KDR: variants seen among roughly 807,000 people sequenced by gnomAD.
The protein encoded by KDR is vascular endothelial growth factor receptor 2.
In KDR, 43 loss-of-function variants were observed where a neutral mutation model predicts 160.9. The ratio of observed to expected loss-of-function variants is 0.27; its 90% confidence interval spans 0.21 to 0.34. The LOEUF is 0.34. Ranked by LOEUF, KDR falls within the 10% of genes least tolerant of loss-of-function variation. The pLI is 1.00. For synonymous variants in KDR, 617 were observed against 600.1 expected, an observed-to-expected ratio of 1.03 and a Z score of -0.41; for missense variants, 1,469 against 1,666.4, an observed-to-expected ratio of 0.88 and a Z score of 2.06.
chr4:55,102,874 G>C (rs1720349241), intron 13 of KDR, among the ~76,000 whole-genome samples: 1 of 152,098 alleles, frequency 6.6e-6, no homozygotes, highest in Non-Finnish European at 1.5e-5. Flanking sequence ...ATTTCTCTTG[G>C]AAGTGCCAAA....
chr4:55,102,579 T>G, intron 13 of KDR, 71 bp from the exon 14 acceptor site: 1 of 1,525,208 alleles, frequency 6.6e-7, no homozygotes, highest in Non-Finnish European at 9.1e-7. Flanking sequence ...ATCAGCAAAC[T>G]TTTAAACAGT....
At chr4:55,109,251 T>C (rs1462806871) in intron 9 of KDR, among the ~76,000 whole-genome samples, 1 of 152,032 alleles carries the variant, frequency 6.6e-6, no homozygotes, top group Admixed American at 6.5e-5. Context: ...CCTGGCTAAT[T>C]TTTATATTTT....
At chr4:55,081,087 A>C (rs1374855546) in intron 29 of KDR, among the ~76,000 whole-genome samples, 1 of 152,260 alleles carries the variant, frequency 6.6e-6, no homozygotes, top group African/African-American at 2.4e-5. Flanking sequence ...ACATTTTTTG[A>C]ATCAATGAAT....
Position 55,092,605 on chromosome 4 carries a change from A to T in KDR, c.3069+12T>A, listed in dbSNP as rs375615267. 21 of 1,589,724 alleles carry T rather than the reference A, an allele frequency of 1.3e-5. No individual in the cohort carries two copies. Among genetic ancestry groups the T allele is most frequent in the Non-Finnish European group, 1.8e-5 (21 of 1,157,888 alleles). The stretch of plus-strand genomic sequence containing the variant: ...CTGAAAAGATAGCTGATTTCCCCTC[A>T]ACCTTTCTTACCTTTCGCGATGCCA... On this transcript the variant is annotated intron_variant, in intron 22 of 29. Transcript: ENST00000263923.
Position 55,125,536 on chromosome 4 carries a change from C to T in KDR, c.-243G>A. On this transcript the variant is annotated 5_prime_UTR_variant, in exon 1 of 30. Coordinates refer to ENST00000263923, the MANE Select transcript of KDR (RefSeq NM_002253.4). ...TGCGGCGCGCAAGTGATGCCCGGCG[C>T]AGGCAGAGGAAACGCAGCGACCACA... is the stretch of plus-strand genomic sequence containing the variant. The T allele has an allele frequency of 1.7e-6, 1 of 601,960 alleles. No individual in the cohort carries two copies. The highest frequency in any genetic ancestry group is 3.0e-6 in the Non-Finnish European group (1 of 338,046). The allele number at this position is 601,960 out of a possible 1,614,324, so 37.3% of individuals were successfully genotyped here.
chr4:55,104,130 C>A (rs1720379172), intron 13 of KDR, among the ~76,000 whole-genome samples: 1 of 152,152 alleles, frequency 6.6e-6, no homozygotes, highest in Non-Finnish European at 1.5e-5. Flanking sequence ...CTTCATGCAG[C>A]AGGTGCCTTA....
Position 55,094,947 on chromosome 4 carries a change from C to A in KDR, c.2826G>T (p.Gly942=), listed in dbSNP as rs779634405. 3 of 1,613,842 alleles carry A rather than the reference C, an allele frequency of 1.9e-6. No homozygotes were observed. In the South Asian group the frequency reaches 3.3e-5, roughly 18 times the overall value. Residue 942 remains glycine, a synonymous_variant, in exon 21 of 30, where the codon GGG becomes GGT. Transcript: ENST00000263923. ...RNEFVPYKTK[G]ARFRQGKDYV... ...AGTCTTTCCCTTGACGGAATCGTGC[C>A]CCTTTGGTCTATAAAAAAGCAAAGG...
Position 55,080,053 on chromosome 4 carries a change from G to A in KDR, c.3959C>T (p.Ser1320Phe), listed in dbSNP as rs758090721. 2 of 1,614,034 alleles carry A rather than the reference G, an allele frequency of 1.2e-6. No homozygotes were observed. Among genetic ancestry groups the A allele is most frequent in the Non-Finnish European group, 1.7e-6 (2 of 1,180,032 alleles). ...CTTTAAAAGTTCTGCTTCCTCACTGGAGTACACGGTGGTGTCTGTGTCATC... is the reference window on the plus strand; with the variant it reads ...CTTTAAAAGTTCTGCTTCCTCACTGAAGTACACGGTGGTGTCTGTGTCATC... ...HSDDTDTTVYSSEEAELLKLI... is the reference protein window; with the variant it reads ...HSDDTDTTVYFSEEAELLKLI... The change falls in exon 30 of 30, where the codon TCC becomes TTC. Residue 1320 changes from serine to phenylalanine, a missense_variant. Physicochemically the swap from Ser to Phe is radical, Grantham distance 155. Transcript: ENST00000263923.
rs759990302 is a variant in KDR at position 55,079,980 on chromosome 4, C to A, written c.4032G>T (p.Gln1344His). Residue 1344 changes from glutamine to histidine, a missense_variant, in exon 30 of 30, where the codon CAG (glutamine) becomes CAT (histidine). Physicochemically the swap from Gln to His is conservative, Grantham distance 24. Around this residue, in one of 7 missense-constraint regions of KDR, gnomAD observed 229 missense variants for 197.8 expected, o/e 1.16. Coordinates refer to ENST00000263923, the MANE Select transcript of KDR (RefSeq NM_002253.4). ...VQTGSTAQIL[Q>H]PDSGTTLSSP... is the part of the protein sequence containing the mutation. ...AGCTCAGTGTGGTCCCCGAGTCAGG[C>A]TGGAGAATCTGGGCTGTGCTACCGG... 4 of 1,614,108 alleles carry A rather than the reference C, an allele frequency of 2.5e-6. No individual in the cohort carries two copies.
intron 22 of KDR, among the ~76,000 whole-genome samples, chr4:55,091,648 G>C (rs780828114): frequency 2.0e-5 from 3 of 152,192 alleles, no homozygotes; most frequent in African/African-American, 7.2e-5. Flanking sequence ...TTAATGCTAT[G>C]AGAAGGGGAA....
Position 55,088,855 on chromosome 4 carries a change from G to T in KDR, c.3510+13C>A. On this transcript the variant is annotated intron_variant, in intron 26 of 29. Coordinates refer to ENST00000263923, the MANE Select transcript of KDR (RefSeq NM_002253.4). Reference sequence around the variant, plus strand: ...TACTCTTTGTAGGTGCTTCTTGGATGGAGGTGACAAACCTGCTGAGCATTA... The same window carrying T: ...TACTCTTTGTAGGTGCTTCTTGGATTGAGGTGACAAACCTGCTGAGCATTA... The T allele has an allele frequency of 6.3e-7, 1 of 1,582,150 alleles. No homozygotes were observed. The highest frequency in any genetic ancestry group is 8.7e-7 in the Non-Finnish European group (1 of 1,150,802).
intron 3 of KDR, 133 bp downstream of exon 3, chr4:55,118,468 GAGA>G (rs1560524376): frequency 6.9e-6 from 5 of 728,260 alleles, no homozygotes; most frequent in East Asian, 5.4e-5. Context: ...AGCCTCAGGA[GAGA>G]AGAATTGTGT....
intron 26 of KDR, among the ~76,000 whole-genome samples, chr4:55,088,275 T>C (rs1719912028): frequency 6.6e-6 from 1 of 152,206 alleles, no homozygotes; most frequent in African/African-American, 2.4e-5. Context: ...AAGGGCTATT[T>C]GATATCTGTA....
intron 12 of KDR, 34 bp downstream of exon 12, chr4:55,105,798 G>A (rs1469674772): frequency 6.1e-6 from 8 of 1,311,114 alleles, no homozygotes; most frequent in Non-Finnish European, 8.9e-6. Flanking sequence ...CTGTGTGAGT[G>A]ATCCAACCCA....
chr4:55,100,275 A>C (rs1356746024), intron 15 of KDR, among the ~76,000 whole-genome samples: 3 of 152,210 alleles, frequency 2.0e-5, no homozygotes, highest in Non-Finnish European at 4.4e-5. Context: ...TGCTTGGAGT[A>C]AATTTTGTTT....
At chr4:55,119,933 T>C (rs1485269126) in intron 2 of KDR, among the ~76,000 whole-genome samples, 9 of 152,216 alleles carry the variant, frequency 5.9e-5, no homozygotes, top group Non-Finnish European at 7.3e-5. Context: ...TCAATGAAGT[T>C]ACTTTTAACA....
At chr4:55,085,433 G>A (rs1288648964) in intron 27 of KDR, among the ~76,000 whole-genome samples, 1 of 152,198 alleles carries the variant, frequency 6.6e-6, no homozygotes. Flanking sequence ...GAAGGAGAAA[G>A]ACTGCTCAGC....
At chr4:55,087,514 C>T (rs1302044350) in intron 27 of KDR, 93 bp downstream of exon 27, 2 of 1,152,752 alleles carry the variant, frequency 1.7e-6, no homozygotes, top group Non-Finnish European at 2.6e-6. Context: ...GATGCAACAG[C>T]CTTAGACAAG....
At chr4:55,095,526 G>A (rs367621308) in intron 20 of KDR, 51 bp downstream of exon 20, 3 of 1,348,552 alleles carry the variant, frequency 2.2e-6, no homozygotes, top group Admixed American at 1.7e-5. Flanking sequence ...ACCATTTTGA[G>A]TTTCCCTTCA....
Sources: allele counts gnomAD v4.1 joint callset (sites outside exome capture counted in the v4.1 genomes callset), GRCh38; gene constraint gnomAD v4.1.1; regional missense constraint gnomAD v4.1.1; transcripts MANE v1.5; gene names NCBI Gene and HGNC (gene_info 2026-07-23, HGNC 2026-07-21).